The following CMIP variants were observed in gnomAD, a reference collection of about 807,000 sequenced individuals.
CMIP encodes C-Maf-inducing protein.
In CMIP, 13 loss-of-function variants were observed where a neutral mutation model predicts 97.3. The observed-to-expected ratio is 0.13, with a 90% CI of 0.09 to 0.21. CMIP has a LOEUF of 0.21. Among genes scored for constraint, CMIP ranks in the 10% least tolerant of loss-of-function variants. CMIP has a pLI of 1.00. For missense variants in CMIP, 847 were observed against 1,024.9 expected (o/e 0.83, Z 2.37); for synonymous variants, 538 against 436.3 (o/e 1.23, Z -2.91).
intron 1 of CMIP, among the ~76,000 whole-genome samples, chr16:81,535,466 C>CTTTT (rs34961950): frequency 1.5e-5 from 2 of 134,416 alleles, no homozygotes; most frequent in Non-Finnish European, 3.1e-5. Flanking sequence ...CACTGGAATG[C>CTTTT]TTTTTTTTTT....
intron 1 of CMIP, among the ~76,000 whole-genome samples, chr16:81,510,821 G>A (rs934289553): frequency 6.6e-6 from 1 of 152,176 alleles, no homozygotes; most frequent in Non-Finnish European, 1.5e-5. Context: ...CCAGGTTCAA[G>A]CAATTCTCCT....
rs375992391 is a variant in CMIP, at chr16:81,556,195, C to T, written c.301-51372C>T. On this transcript the variant is annotated intron_variant, in intron 1 of 20. Transcript: ENST00000537098. ...TGCACGTCATCTCATTTTGCTGTTA[C>T]GGAACCTGTTCTAGCCCGGGTGGGG... Among the ~76,000 whole-genome samples the T allele has an allele frequency of 3.2e-4, 48 of 152,170 alleles. 2 individuals carry two copies. The East Asian group carries it at 6.8e-3, about 21-fold the overall frequency.
intron 9 of CMIP, among the ~76,000 whole-genome samples, chr16:81,677,359 C>G (rs1904376815): frequency 6.6e-6 from 1 of 152,176 alleles, no homozygotes; most frequent in Non-Finnish European, 1.5e-5. Flanking sequence ...TCTTTCCTCA[C>G]CTGTGGCACA....
chr16:81,471,826 T>C (rs1907577377), intron 1 of CMIP, among the ~76,000 whole-genome samples: 2 of 152,194 alleles, frequency 1.3e-5, no homozygotes, highest in South Asian at 2.1e-4. Flanking sequence ...CACAGGCAGC[T>C]AGGACATGCA....
At position 81,667,766 on chromosome 16, in the gene CMIP, A is replaced by AAG. The variant is rs59388984; in HGVS notation, c.826-2343_826-2342dup. ...CAGGAGGGAGGGAGGGAGGGAGAGA[A>AAG]AGAGAGAGAGAGAGAGAGAGAGAGA... On this transcript the variant is annotated intron_variant, in intron 7 of 20. Coordinates refer to ENST00000537098, the MANE Select transcript of CMIP (RefSeq NM_198390.3). Among the ~76,000 whole-genome samples, 350 of 85,168 alleles carry AAG rather than the reference A, an allele frequency of 4.1e-3. 1 individual carries two copies. The highest frequency in any genetic ancestry group is 9.2e-3 in the South Asian group (19 of 2,060). The allele number at this position is 85,168 out of a possible 152,430, so 55.9% of individuals were successfully genotyped here.
chr16:81,676,866 C>A (rs998898557), intron 9 of CMIP, among the ~76,000 whole-genome samples: 1 of 152,134 alleles, frequency 6.6e-6, no homozygotes, highest in Non-Finnish European at 1.5e-5. Context: ...GTGGCCCTGT[C>A]CTCAAGCCTG....
At chr16:81,622,930 G>A (rs189324208) in intron 3 of CMIP, among the ~76,000 whole-genome samples, 5 of 152,386 alleles carry the variant, frequency 3.3e-5, no homozygotes, top group Admixed American at 2.6e-4. Context: ...TTGGCCAGGT[G>A]TGGTGGCTCA....
intron 1 of CMIP, among the ~76,000 whole-genome samples, chr16:81,505,210 C>A (rs1242053504): frequency 6.6e-6 from 1 of 152,214 alleles, no homozygotes; most frequent in Non-Finnish European, 1.5e-5. Flanking sequence ...CATCACTGCT[C>A]ATGGTTCATT....
At chr16:81,549,740 C>T (rs1010342344) in intron 1 of CMIP, among the ~76,000 whole-genome samples, 1 of 152,230 alleles carries the variant, frequency 6.6e-6, no homozygotes, top group African/African-American at 2.4e-5. Context: ...GAGCCCAGAG[C>T]AGGGCCTGGG....
At position 81,504,808 on chromosome 16, in the gene CMIP, G is replaced by T. The variant is rs535164974; in HGVS notation, c.300+59267G>T. 1.8e-4 allele frequency among the ~76,000 whole-genome samples: 28 copies of T among 152,330 alleles called. No individual in the cohort carries two copies. In the South Asian group the frequency reaches 5.6e-3, roughly 30 times the overall value. ...CAGCCTCTAGGGAGAGAAATGAGGA[G>T]AGCAAGAGTGAGGGTGTGGAACCCT... On this transcript the variant is annotated intron_variant, in intron 1 of 20. Transcript: ENST00000537098.
At chr16:81,686,290 T>C (rs1197327072) in intron 10 of CMIP, among the ~76,000 whole-genome samples, 2 of 152,096 alleles carry the variant, frequency 1.3e-5, no homozygotes, top group Non-Finnish European at 2.9e-5. Flanking sequence ...AGATGACCCC[T>C]CAGAAGGGAG....
intron 20 of CMIP, among the ~76,000 whole-genome samples, chr16:81,707,522 T>C (rs1409752746): frequency 1.3e-5 from 2 of 152,174 alleles, no homozygotes; most frequent in African/African-American, 4.8e-5. Context: ...AGTCATGCTT[T>C]TCAAAGCATG....
intron 9 of CMIP, among the ~76,000 whole-genome samples, chr16:81,672,320 A>G (rs2092690304): frequency 6.6e-6 from 1 of 152,242 alleles, no homozygotes; most frequent in Middle Eastern, 3.2e-3. Flanking sequence ...GCTTGGCTTT[A>G]GGGACAGATG....
At chr16:81,660,162 G>C (rs901598310) in intron 5 of CMIP, among the ~76,000 whole-genome samples, 5 of 152,156 alleles carry the variant, frequency 3.3e-5, no homozygotes, top group African/African-American at 1.2e-4. Flanking sequence ...AACATGAGCT[G>C]AATCTAGGTT....
chr16:81,681,435 G>T (rs185116355), intron 10 of CMIP, among the ~76,000 whole-genome samples: 1 of 152,348 alleles, frequency 6.6e-6, no homozygotes, highest in East Asian at 1.9e-4. Context: ...ACCTTGGACG[G>T]TTGGTCATCC....
intron 1 of CMIP, among the ~76,000 whole-genome samples, chr16:81,474,212 C>G (rs11646903): frequency 2.6e-5 from 4 of 152,082 alleles, no homozygotes; most frequent in Non-Finnish European, 5.9e-5. Context: ...TTTGTACCCC[C>G]CGGGCTTGGA....
At chr16:81,667,797 A>AGTGTGT (rs1474036026) in intron 7 of CMIP, among the ~76,000 whole-genome samples, 1,008 of 64,886 alleles carry the variant, frequency 0.016, no homozygotes, top group Admixed American at 0.03. Flanking sequence ...AGAGAGAGAG[A>AGTGTGT]GAGTGTGTGT....
At chr16:81,545,569 A>C (rs527829752) in intron 1 of CMIP, among the ~76,000 whole-genome samples, 1 of 152,260 alleles carries the variant, frequency 6.6e-6, no homozygotes, top group Non-Finnish European at 1.5e-5. Flanking sequence ...ATCCTCCTCC[A>C]TCTACAGATG....
At chr16:81,521,194 G>T (rs1007539615) in intron 1 of CMIP, among the ~76,000 whole-genome samples, 7 of 152,206 alleles carry the variant, frequency 4.6e-5, no homozygotes, top group African/African-American at 1.7e-4. Flanking sequence ...TGTGGACCAT[G>T]GGACCCTTTC....
Sources: allele counts gnomAD v4.1 joint callset (sites outside exome capture counted in the v4.1 genomes callset), GRCh38; gene constraint gnomAD v4.1.1; transcripts MANE v1.5; gene names NCBI Gene and HGNC (gene_info 2026-07-23, HGNC 2026-07-21).